Variants in SYN3 observed in about 807,000 individuals in gnomAD.
SYN3 encodes the protein synapsin-3.
In SYN3, 35 loss-of-function variants were observed where a neutral mutation model predicts 65.8. That is an observed-to-expected ratio of 0.53 (90% CI 0.41 to 0.70). The LOEUF is 0.70. Among genes scored for constraint, SYN3 ranks in the 30% least tolerant of loss-of-function variants. The probability of loss-of-function intolerance (pLI) is 0.00; values close to 1 mark genes in which losing one functional copy is unlikely to be tolerated. For missense variants in SYN3, 680 were observed against 749.0 expected (o/e 0.91, Z 1.08); for synonymous variants, 270 against 292.9 (o/e 0.92, Z 0.80).
intron 1 of SYN3, among the ~76,000 whole-genome samples, chr22:33,011,090 G>T (rs1009953201): frequency 6.6e-6 from 1 of 151,972 alleles, no homozygotes; most frequent in Non-Finnish European, 1.5e-5. Flanking sequence ...TTATCTGACT[G>T]TCCTAGCTAG....
At chr22:33,046,048 T>C (rs1233261132) in intron 1 of SYN3, among the ~76,000 whole-genome samples, 1 of 151,468 alleles carries the variant, frequency 6.6e-6, no homozygotes, top group African/African-American at 2.4e-5. Context: ...AACAGACACT[T>C]CGCCAAAGAG....
intron 3 of SYN3, among the ~76,000 whole-genome samples, chr22:32,942,036 C>T (rs951391920): frequency 1.1e-4 from 16 of 152,224 alleles, no homozygotes; most frequent in African/African-American, 3.9e-4. Flanking sequence ...CATAGCCGAA[C>T]AAAAGGCAGC....
chr22:32,604,536 G>GAGAT (rs1569083068), intron 6 of SYN3, among the ~76,000 whole-genome samples: 2 of 113,610 alleles, frequency 1.8e-5, no homozygotes, highest in Non-Finnish European at 3.6e-5. Flanking sequence ...TGTCTCCGCT[G>GAGAT]AGATACCCTC....
intron 13 of SYN3, among the ~76,000 whole-genome samples, chr22:32,516,077 C>T (rs1463812208): frequency 1.8e-4 from 27 of 152,328 alleles, no homozygotes; most frequent in Admixed American, 1.7e-3. Context: ...GGATTACAGG[C>T]ATGAGCCATC....
rs562773814 is a variant in SYN3, at chr22:32,615,024, AC to A, written c.712-18289del. On this transcript the variant is annotated intron_variant, in intron 6 of 13. Coordinates refer to ENST00000358763, the MANE Select transcript of SYN3 (RefSeq NM_003490.4). ...AAGAATAATTGGAAAGTAAAAAATT[AC>A]CCCCACCGTGGTTGGGAGCCGACAG... 5.6e-3 allele frequency among the ~76,000 whole-genome samples: 844 copies of A among 151,782 alleles called. 6 individuals are homozygous for A. The highest frequency in any genetic ancestry group is 0.019 in the African/African-American group (781 of 41,352).
intron 6 of SYN3, among the ~76,000 whole-genome samples, chr22:32,694,032 A>G (rs1260105777): frequency 6.6e-6 from 1 of 151,034 alleles, no homozygotes; most frequent in Non-Finnish European, 1.5e-5. Context: ...ACTTTTTGTT[A>G]TATTTTTGAA....
intron 7 of SYN3, among the ~76,000 whole-genome samples, chr22:32,594,493 CTTT>C (rs11330231): frequency 6.9e-6 from 1 of 145,818 alleles, no homozygotes. Context: ...TTTTTCTTTT[CTTT>C]TTTTTTTTTG....
At chr22:32,994,151 C>T (rs551689882) in intron 2 of SYN3, among the ~76,000 whole-genome samples, 2 of 152,250 alleles carry the variant, frequency 1.3e-5, no homozygotes, top group South Asian at 2.1e-4. Flanking sequence ...GGGCTCGGGG[C>T]TTGGGTGCCG....
chr22:33,055,053 T>C (rs2054232756), intron 1 of SYN3, among the ~76,000 whole-genome samples: 1 of 152,232 alleles, frequency 6.6e-6, no homozygotes, highest in African/African-American at 2.4e-5. Context: ...AAGATCTTTC[T>C]TCTCTCTATT....
At chr22:32,544,925 C>A (rs1221317235) in intron 7 of SYN3, among the ~76,000 whole-genome samples, 2 of 152,232 alleles carry the variant, frequency 1.3e-5, no homozygotes, top group Non-Finnish European at 2.9e-5. Flanking sequence ...CATTTTCCTG[C>A]TTTACAGTCA....
intron 3 of SYN3, among the ~76,000 whole-genome samples, chr22:32,955,119 TG>T (rs1406236602): frequency 6.6e-6 from 1 of 152,044 alleles, no homozygotes; most frequent in African/African-American, 2.4e-5. Flanking sequence ...TGATCCAGTC[TG>T]CACATCCAGG....
At chr22:32,930,785 G>A (rs1453407273) in intron 4 of SYN3, among the ~76,000 whole-genome samples, 10 of 151,916 alleles carry the variant, frequency 6.6e-5, no homozygotes, top group Non-Finnish European at 1.0e-4. Flanking sequence ...TGTTTATCTC[G>A]CCTATGGATT....
intron 3 of SYN3, among the ~76,000 whole-genome samples, chr22:32,936,460 T>C (rs919110775): frequency 6.6e-6 from 1 of 151,874 alleles, no homozygotes; most frequent in Non-Finnish European, 1.5e-5. Flanking sequence ...GGACAGAGTA[T>C]AGGAAAAGAT....
At chr22:32,856,043 A>G (rs1373192255) in intron 6 of SYN3, among the ~76,000 whole-genome samples, 1 of 152,226 alleles carries the variant, frequency 6.6e-6, no homozygotes, top group Non-Finnish European at 1.5e-5. Flanking sequence ...AACGTTCACC[A>G]GCCAAATAGA....
At chr22:33,034,737 C>T (rs1365036369) in intron 1 of SYN3, among the ~76,000 whole-genome samples, 1 of 152,198 alleles carries the variant, frequency 6.6e-6, no homozygotes, top group African/African-American at 2.4e-5. Flanking sequence ...CCATTTTACG[C>T]ATGAGGAAAC....
Position 32,958,881 on chromosome 22 carries a change from G to A in SYN3, c.369+21764C>T, listed in dbSNP as rs534701463. On this transcript the variant is annotated intron_variant, in intron 3 of 13. Coordinates refer to ENST00000358763, the MANE Select transcript of SYN3 (RefSeq NM_003490.4). Reference sequence around the variant, plus strand: ...TCCGAGACAATGGGAGCAGCAGGACGATAGAACCCCAGTGAGGGAATTACT... The same window carrying A: ...TCCGAGACAATGGGAGCAGCAGGACAATAGAACCCCAGTGAGGGAATTACT... Among the ~76,000 whole-genome samples the A allele has an allele frequency of 3.3e-5, 5 of 152,166 alleles. No homozygotes were observed. In the South Asian group the frequency reaches 1.0e-3, roughly 32 times the overall value.
chr22:32,784,488 TGAGG>T (rs2046143935), intron 6 of SYN3, among the ~76,000 whole-genome samples: 1 of 152,098 alleles, frequency 6.6e-6, no homozygotes, highest in African/African-American at 2.4e-5. Context: ...ATCAAGTGAG[TGAGG>T]AAGTAGGTGC....
At chr22:32,838,195 A>C (rs949759859) in intron 6 of SYN3, among the ~76,000 whole-genome samples, 2 of 152,232 alleles carry the variant, frequency 1.3e-5, no homozygotes, top group African/African-American at 4.8e-5. Context: ...AGTTCCTCAA[A>C]TACTTCTGAA....
chr22:32,625,564 T>C (rs980677471), intron 6 of SYN3, among the ~76,000 whole-genome samples: 4 of 152,214 alleles, frequency 2.6e-5, no homozygotes, highest in African/African-American at 7.2e-5. Context: ...TAGACCACTT[T>C]AGCATCCTTC....
Sources: gnomAD v4.1 joint callset for allele counts (sites outside exome capture counted in the v4.1 genomes callset) on GRCh38, gnomAD v4.1.1 for gene constraint, MANE v1.5 for transcripts, NCBI Gene and HGNC (gene_info 2026-07-23, HGNC 2026-07-21) for gene names.